OLAH: variants seen among roughly 807,000 people sequenced by gnomAD.
OLAH encodes oleoyl-ACP hydrolase.
A neutral mutation model predicts 27.8 loss-of-function variants in OLAH; 33 were observed. The observed-to-expected ratio is 1.19, with a 90% CI of 0.90 to 1.59. The LOEUF (loss-of-function observed/expected upper bound fraction) is 1.59, where lower values mean the gene tolerates loss of function less well. OLAH is among the 40% of genes most tolerant of loss of function. The probability of loss-of-function intolerance (pLI) is 0.00; values close to 1 mark genes in which losing one functional copy is unlikely to be tolerated. For synonymous variants in OLAH, 120 were observed against 102.9 expected, an observed-to-expected ratio of 1.17 and a Z score of -1.01; for missense variants, 359 against 310.8, an observed-to-expected ratio of 1.16 and a Z score of -1.17.
chr10:15,068,586 G>A (rs1171780554), intron 6 of OLAH, among the ~76,000 whole-genome samples: 2 of 151,982 alleles, frequency 1.3e-5, no homozygotes, highest in Non-Finnish European at 2.9e-5. Context: ...GTAGAGACGG[G>A]GTTTCATCAT....
Position 15,032,457 on chromosome 10 carries a change from CA to C in OLAH, c.-164+123del, listed in dbSNP as rs33928267. 6.2e-3 allele frequency: 809 copies of C among 129,540 alleles called. 3 individuals carry two copies. The highest frequency in any genetic ancestry group is 0.018 in the African/African-American group (587 of 33,500). The allele number at this position is 129,540 out of a possible 1,614,324, so 8.0% of individuals were successfully genotyped here. Reference sequence around the variant, plus strand: ...ATACACCCCATCACTACTAAAAATACAAAAAAAAAAAAAAAATGAGCTATGC... The same window carrying C: ...ATACACCCCATCACTACTAAAAATACAAAAAAAAAAAAAAATGAGCTATGC... On this transcript the variant is annotated intron_variant, in intron 1 of 3. Transcript: ENST00000413672.
chr10:15,041,599 G>A (rs1843921501), upstream of OLAH, among the ~76,000 whole-genome samples: 3 of 145,188 alleles, frequency 2.1e-5, no homozygotes, highest in South Asian at 2.2e-4. Context: ...CTTTTGGGAC[G>A]GAGTTTCACT....
At chr10:15,049,854 TC>T in intron 3 of OLAH, 89 bp downstream of exon 3, 1 of 1,242,526 alleles carries the variant, frequency 8.0e-7, no homozygotes, top group Non-Finnish European at 1.1e-6. Context: ...AGACTTTCCT[TC>T]CTGGTAGGTA....
intron 3 of OLAH, among the ~76,000 whole-genome samples, chr10:15,055,930 A>T (rs1457376419): frequency 1.3e-5 from 2 of 151,672 alleles, no homozygotes; most frequent in East Asian, 3.9e-4. Context: ...GCTCACTGAA[A>T]TCTCCACCTC....
upstream of OLAH, among the ~76,000 whole-genome samples, chr10:15,042,990 A>G (rs1489535470): frequency 6.6e-6 from 1 of 150,574 alleles, no homozygotes; most frequent in Non-Finnish European, 1.5e-5. Context: ...CCTCCCGAGT[A>G]GCTGGGACTA....
At chr10:15,052,039 T>C (rs1056575309) in intron 3 of OLAH, among the ~76,000 whole-genome samples, 5 of 152,270 alleles carry the variant, frequency 3.3e-5, no homozygotes, top group Non-Finnish European at 5.9e-5. Flanking sequence ...TCCTGGCACT[T>C]TGGGAGGCTG....
At chr10:15,042,228 T>G (rs909328193), upstream of OLAH, among the ~76,000 whole-genome samples, 9 of 152,208 alleles carry the variant, frequency 5.9e-5, no homozygotes, top group Middle Eastern at 0.01. Context: ...CTCGGCTCAC[T>G]GCAACCTTCA....
upstream of OLAH, among the ~76,000 whole-genome samples, chr10:15,043,678 G>C (rs898654327): frequency 1.3e-5 from 2 of 151,806 alleles, no homozygotes; most frequent in South Asian, 2.1e-4. Flanking sequence ...ATGTTGGCCA[G>C]GCCCATCTCA....
rs748831554 is a variant in OLAH at position 15,073,104 on chromosome 10, A to C, written c.673A>C (p.Ser225Arg). Residue 225 changes from serine (S) to arginine (R), a missense_variant, in exon 8 of 8, where the codon AGT becomes CGT. Physicochemically the swap from Ser to Arg is moderately radical, Grantham distance 110. Transcript: ENST00000378228. ...ATTTTCAGCCTGGAAAGATGTAACC[A>C]GTGGAAATGCTAAAATTTACCAGCT... ...KDMEAWKDVT[S>R]GNAKIYQLPG... 2 of 1,613,104 alleles carry C rather than the reference A, an allele frequency of 1.2e-6. No homozygotes were observed. Among genetic ancestry groups the C allele is most frequent in the East Asian group, 2.2e-5 (1 of 44,870 alleles).
intron 1 of OLAH, among the ~76,000 whole-genome samples, chr10:15,034,101 C>CGTTT (rs766869532): frequency 2.9e-5 from 4 of 139,366 alleles, no homozygotes; most frequent in Non-Finnish European, 3.1e-5. Flanking sequence ...CAGACTCCAC[C>CGTTT]ATTTTTTTTT....
chr10:15,073,112 T>C lies in OLAH; in HGVS notation c.681T>C (p.Asn227=). Residue 227 remains asparagine, a synonymous_variant, in exon 8 of 8, where the codon AAT becomes AAC. Coordinates refer to ENST00000378228, the MANE Select transcript of OLAH (RefSeq NM_001039702.3). ...CCTGGAAAGATGTAACCAGTGGAAA[T>C]GCTAAAATTTACCAGCTTCCAGGGG... ...MEAWKDVTSG[N]AKIYQLPGGH... 1.2e-6 allele frequency: 2 copies of C among 1,613,380 alleles called. No individual in the cohort carries two copies. The highest frequency in any genetic ancestry group is 2.2e-5 in the South Asian group (2 of 90,878).
intron 1 of OLAH, among the ~76,000 whole-genome samples, chr10:15,045,008 C>T (rs1256767183): frequency 1.3e-5 from 2 of 152,146 alleles, no homozygotes; most frequent in Non-Finnish European, 2.9e-5. Context: ...TTGTCTCTGT[C>T]CCACTCTCCC....
intron 3 of OLAH, among the ~76,000 whole-genome samples, chr10:15,059,476 C>T (rs920965270): frequency 4.0e-5 from 6 of 151,874 alleles, no homozygotes; most frequent in Admixed American, 2.6e-4. Context: ...CATGAGCCAC[C>T]GCACCTGGCA....
intron 3 of OLAH, among the ~76,000 whole-genome samples, chr10:15,054,761 G>C (rs1054571645): frequency 4.0e-5 from 6 of 151,098 alleles, no homozygotes; most frequent in Non-Finnish European, 7.4e-5. Flanking sequence ...GCAACTTTTA[G>C]TCATTTTTGA....
At chr10:15,049,452 A>C (rs148061371) in intron 2 of OLAH, among the ~76,000 whole-genome samples, 183 bp from the exon 3 acceptor site, 60 of 152,264 alleles carry the variant, frequency 3.9e-4, no homozygotes, top group African/African-American at 1.3e-3. Context: ...TATGTATTCA[A>C]ATTGTCAACA....
intron 3 of OLAH, among the ~76,000 whole-genome samples, chr10:15,054,612 C>G (rs1386898039): frequency 4.6e-5 from 7 of 151,890 alleles, no homozygotes; most frequent in South Asian, 2.1e-4. Flanking sequence ...ATGACTACTA[C>G]TTTGTTTTGT....
chr10:15,046,114 C>T (rs974742873), intron 1 of OLAH, among the ~76,000 whole-genome samples: 1 of 150,178 alleles, frequency 6.7e-6, no homozygotes, highest in Admixed American at 6.7e-5. Flanking sequence ...GGGAGGCTGA[C>T]GTGGGTGGAT....
Position 15,073,239 on chromosome 10 carries a change from C to T in OLAH, c.*10C>T, listed in dbSNP as rs1564537316. On this transcript the variant is annotated 3_prime_UTR_variant, in exon 8 of 8. Transcript: ENST00000378228. ...GATATCCAATTTTTAGATATTTTCC[C>T]TTTCACTTTTAAAATAATCAAAGTA... The T allele has an allele frequency of 6.5e-7, 1 of 1,532,616 alleles. No homozygotes were observed. Among genetic ancestry groups the T allele is most frequent in the Admixed American group, 1.8e-5 (1 of 54,536 alleles). 94.9% of individuals were successfully genotyped at this position (1,532,616 alleles called of 1,614,324 possible).
intron 7 of OLAH, 140 bp from the exon 8 acceptor site, chr10:15,072,947 G>C (rs1844620164): frequency 8.0e-6 from 6 of 754,442 alleles, no homozygotes. Context: ...AGATGGCAAT[G>C]CTCCTGCTTC....
Sources: gnomAD v4.1 joint callset for allele counts (sites outside exome capture counted in the v4.1 genomes callset) on GRCh38, gnomAD v4.1.1 for gene constraint, MANE v1.5 for transcripts, NCBI Gene and HGNC (gene_info 2026-07-23, HGNC 2026-07-21) for gene names.